EPHA6: variants seen among roughly 807,000 people sequenced by gnomAD.
EPHA6 encodes the protein ephrin type-A receptor 6.
In EPHA6, 50 loss-of-function variants were observed where a neutral mutation model predicts 112.0. The ratio of observed to expected loss-of-function variants is 0.45; its 90% CI spans 0.36 to 0.56. The LOEUF (loss-of-function observed/expected upper bound fraction) is 0.56. EPHA6 is among the 20% of genes least tolerant of loss of function. The pLI, the probability that EPHA6 is intolerant of heterozygous loss-of-function variation, is 0.00. For synonymous variants in EPHA6, 529 were observed against 490.7 expected (o/e 1.08, Z -1.03); for missense variants, 1,280 against 1,417.4 (o/e 0.90, Z 1.56).
At chr3:96,825,680 C>T (rs1479433308) in intron 1 of EPHA6, among the ~76,000 whole-genome samples, 1 of 151,674 alleles carries the variant, frequency 6.6e-6, no homozygotes, top group Non-Finnish European at 1.5e-5. Context: ...GAAATTGCTG[C>T]CAGAACTTGG....
intron 3 of EPHA6, among the ~76,000 whole-genome samples, chr3:97,185,740 G>T (rs1435673275): frequency 2.6e-5 from 4 of 152,070 alleles, no homozygotes; most frequent in East Asian, 3.9e-4. Flanking sequence ...TATAAATCAT[G>T]CCGCTATAAA....
intron 3 of EPHA6, among the ~76,000 whole-genome samples, chr3:97,219,966 T>G (rs2078143417): frequency 1.3e-5 from 2 of 152,216 alleles, no homozygotes; most frequent in African/African-American, 4.8e-5. Context: ...CTTTGCTGCT[T>G]AGAAATTTCT....
At chr3:97,191,581 CTG>C (rs1474775905) in intron 3 of EPHA6, among the ~76,000 whole-genome samples, 1 of 151,960 alleles carries the variant, frequency 6.6e-6, no homozygotes, top group Non-Finnish European at 1.5e-5. Flanking sequence ...ATTTGACTAT[CTG>C]TGTCTGGCTT....
chr3:97,283,717 T>C (rs1267711224), intron 5 of EPHA6, among the ~76,000 whole-genome samples: 2 of 152,134 alleles, frequency 1.3e-5, no homozygotes, highest in African/African-American at 4.8e-5. Flanking sequence ...GACACATGTA[T>C]ACCTATGTAA....
intron 5 of EPHA6, among the ~76,000 whole-genome samples, chr3:97,299,220 AGTGT>A (rs60777824): frequency 5.2e-5 from 7 of 133,366 alleles, no homozygotes; most frequent in Admixed American, 7.4e-5. Context: ...TGTAGGGGGG[AGTGT>A]GTGTGTGTGT....
intron 5 of EPHA6, among the ~76,000 whole-genome samples, chr3:97,313,832 C>T (rs1404386726): frequency 2.0e-5 from 3 of 151,564 alleles, no homozygotes; most frequent in African/African-American, 7.3e-5. Flanking sequence ...TGGATTGTCT[C>T]TTCACTCTAT....
At chr3:97,657,605 A>G (rs1020434606) in intron 14 of EPHA6, among the ~76,000 whole-genome samples, 2 of 151,846 alleles carry the variant, frequency 1.3e-5, no homozygotes, top group African/African-American at 4.8e-5. Context: ...CGGTTTCCAC[A>G]TCTTGAACAG....
intron 5 of EPHA6, among the ~76,000 whole-genome samples, chr3:97,301,431 A>C (rs1485648074): frequency 1.3e-5 from 2 of 152,162 alleles, no homozygotes. Flanking sequence ...ATCAGGCAGT[A>C]CTCAAATTGG....
At chr3:97,197,112 G>A (rs753551910) in intron 3 of EPHA6, among the ~76,000 whole-genome samples, 1 of 152,014 alleles carries the variant, frequency 6.6e-6, no homozygotes, top group African/African-American at 2.4e-5. Flanking sequence ...TTCTGCCCAG[G>A]AGGCAACATT....
chr3:97,099,365 G>A (rs539552117), intron 3 of EPHA6, among the ~76,000 whole-genome samples: 6 of 151,856 alleles, frequency 4.0e-5, no homozygotes, highest in East Asian at 3.9e-4. Flanking sequence ...AACTGATTTT[G>A]TGGGTCAGAA....
intron 2 of EPHA6, among the ~76,000 whole-genome samples, chr3:96,953,606 G>A (rs2041640256): frequency 1.3e-5 from 2 of 152,132 alleles, no homozygotes; most frequent in Admixed American, 6.6e-5. Context: ...TGGTGTTAAA[G>A]TTTGGTATCT....
chr3:97,083,252 C>G (rs566503132), intron 3 of EPHA6, among the ~76,000 whole-genome samples: 1 of 152,072 alleles, frequency 6.6e-6, no homozygotes, highest in Non-Finnish European at 1.5e-5. Context: ...GCCTGGCATT[C>G]CTAATTTATA....
chr3:96,956,225 G>T (rs1369413534), intron 2 of EPHA6, among the ~76,000 whole-genome samples: 1 of 152,118 alleles, frequency 6.6e-6, no homozygotes, highest in Non-Finnish European at 1.5e-5. Flanking sequence ...GTAATTAAAA[G>T]AAAATTCTCC....
chr3:96,974,934 T>C (rs565568178), intron 2 of EPHA6, among the ~76,000 whole-genome samples: 63 of 152,152 alleles, frequency 4.1e-4, no homozygotes, highest in African/African-American at 1.5e-3. Context: ...ATTATACTCA[T>C]AAGTCCCAGA....
intron 5 of EPHA6, among the ~76,000 whole-genome samples, chr3:97,354,153 A>G (rs2083948724): frequency 6.6e-6 from 1 of 152,202 alleles, no homozygotes; most frequent in Admixed American, 6.5e-5. Flanking sequence ...GAATACCTGG[A>G]AAACTACCCA....
intron 6 of EPHA6, among the ~76,000 whole-genome samples, chr3:97,427,577 G>A (rs961558088): frequency 2.6e-5 from 4 of 151,254 alleles, no homozygotes; most frequent in African/African-American, 9.7e-5. Flanking sequence ...CAGGAAAAGT[G>A]ACTAATGGGT....
At chr3:96,824,706 T>C (rs568854227) in intron 1 of EPHA6, among the ~76,000 whole-genome samples, 1 of 152,166 alleles carries the variant, frequency 6.6e-6, no homozygotes, top group East Asian at 1.9e-4. Flanking sequence ...AGCTGTACAG[T>C]TGGTAAGTTA....
At chr3:97,475,274 A>G in intron 7 of EPHA6, 78 bp from the exon 8 acceptor site, 3 of 1,013,874 alleles carry the variant, frequency 3.0e-6, no homozygotes, top group Middle Eastern at 2.1e-4. Context: ...TGTATTTTCT[A>G]GTGTAAACTA....
At chr3:97,746,924 A>T (rs1373598154) in intron 16 of EPHA6, among the ~76,000 whole-genome samples, 1 of 151,968 alleles carries the variant, frequency 6.6e-6, no homozygotes, top group Admixed American at 6.6e-5. Context: ...AAGTTTGATC[A>T]ATGAATTCAC....
Sources: gnomAD v4.1 joint callset for allele counts (sites outside exome capture counted in the v4.1 genomes callset) on GRCh38, gnomAD v4.1.1 for gene constraint, MANE v1.5 for transcripts, NCBI Gene and HGNC (gene_info 2026-07-23, HGNC 2026-07-21) for gene names.